ELMO1: variants seen among roughly 807,000 people sequenced by gnomAD.
The protein encoded by ELMO1 is engulfment and cell motility protein 1.
In ELMO1, 26 loss-of-function variants were observed where a neutral mutation model predicts 98.9. The observed-to-expected ratio is 0.26, with a 90% CI of 0.19 to 0.36. The LOEUF (loss-of-function observed/expected upper bound fraction) is 0.36. ELMO1 is among the 10% of genes least tolerant of loss of function. The pLI, the probability that ELMO1 is intolerant of heterozygous loss-of-function variation, is 1.00. For missense variants in ELMO1, 627 were observed against 935.2 expected, an observed-to-expected ratio of 0.67 and a Z score of 4.30; for synonymous variants, 346 against 346.0, an observed-to-expected ratio of 1.00 and a Z score of 0.00.
rs1403018713 is a variant in ELMO1 at position 37,375,839 on chromosome 7, C to T, written c.-73-33076G>A. On this transcript the variant is annotated intron_variant, in intron 1 of 21. Transcript: ENST00000310758. ...CGTCCAGAGACTGGCAGGCCTCGGCCTAAAGGTCTGGAGACTGAGCAACCT... is the reference window on the plus strand; with the variant it reads ...CGTCCAGAGACTGGCAGGCCTCGGCTTAAAGGTCTGGAGACTGAGCAACCT... 4 of 763,358 alleles carry T rather than the reference C, an allele frequency of 5.2e-6. No individual in the cohort carries two copies. The Admixed American group carries it at 7.9e-5, about 15-fold the overall frequency. The allele number at this position is 763,358 out of a possible 1,614,324, so 47.3% of individuals were successfully genotyped here.
chr7:36,945,581 GC>G (rs1787406789), intron 16 of ELMO1, among the ~76,000 whole-genome samples: 1 of 152,182 alleles, frequency 6.6e-6, no homozygotes, highest in African/African-American at 2.4e-5. Flanking sequence ...AAATAAGAAT[GC>G]CTCTGTTTTT....
intron 20 of ELMO1, among the ~76,000 whole-genome samples, chr7:36,862,414 A>G (rs1272195467): frequency 1.3e-5 from 2 of 152,226 alleles, no homozygotes; most frequent in Non-Finnish European, 2.9e-5. Flanking sequence ...AAACCTACGG[A>G]GTGCACGCAA....
chr7:37,431,436 T>C (rs1804929367), intron 1 of ELMO1, among the ~76,000 whole-genome samples: 1 of 152,230 alleles, frequency 6.6e-6, no homozygotes. Flanking sequence ...TGGGAATAGA[T>C]GAGAAGCCTA....
At chr7:37,376,570 A>G (rs1297280064) in intron 1 of ELMO1, among the ~76,000 whole-genome samples, 1 of 152,202 alleles carries the variant, frequency 6.6e-6, no homozygotes, top group African/African-American at 2.4e-5. Flanking sequence ...AACTGACTCA[A>G]TTAGTACTGT....
intron 13 of ELMO1, among the ~76,000 whole-genome samples, chr7:37,145,705 C>T (rs1171534219): frequency 6.6e-6 from 1 of 152,192 alleles, no homozygotes; most frequent in Non-Finnish European, 1.5e-5. Flanking sequence ...GATGGCATAG[C>T]GTGGGGAAAG....
At chr7:37,226,372 G>C (rs952297291) in intron 8 of ELMO1, among the ~76,000 whole-genome samples, 1 of 152,114 alleles carries the variant, frequency 6.6e-6, no homozygotes, top group Non-Finnish European at 1.5e-5. Context: ...ATTCCTCGCA[G>C]TCTGCTCCAA....
chr7:36,874,013 A>G lies in ELMO1; in HGVS notation c.1823-3538T>C, dbSNP rs114811196. On this transcript the variant is annotated intron_variant, in intron 19 of 21. Transcript: ENST00000310758. ...TCATCCCAGGATAGCTGCATGAAGA[A>G]CCTGGTCTCTGTGGCCTAGCAGATC... is the stretch of plus-strand genomic sequence containing the variant. Among the ~76,000 whole-genome samples the G allele has an allele frequency of 4.0e-3, 607 of 152,274 alleles. 7 individuals carry two copies. Among genetic ancestry groups the G allele is most frequent in the African/African-American group, 0.014 (568 of 41,552 alleles).
intron 15 of ELMO1, among the ~76,000 whole-genome samples, chr7:37,084,150 C>T (rs1347051573): frequency 6.6e-6 from 1 of 152,080 alleles, no homozygotes; most frequent in Middle Eastern, 3.2e-3. Context: ...CTCAGTGGGC[C>T]TTCTCAACCA....
intron 1 of ELMO1, among the ~76,000 whole-genome samples, chr7:37,365,916 G>A (rs943476857): frequency 1.3e-5 from 2 of 152,168 alleles, no homozygotes; most frequent in Non-Finnish European, 2.9e-5. Context: ...ATGTATTGTA[G>A]AACCTACTAA....
intron 15 of ELMO1, among the ~76,000 whole-genome samples, chr7:37,087,107 A>C (rs894502088): frequency 1.3e-5 from 2 of 152,148 alleles, no homozygotes; most frequent in Non-Finnish European, 2.9e-5. Flanking sequence ...CTACTGTTAT[A>C]ATCTTTTTTT....
chr7:37,063,176 T>C (rs1240404220), intron 15 of ELMO1, among the ~76,000 whole-genome samples: 1 of 152,188 alleles, frequency 6.6e-6, no homozygotes, highest in Non-Finnish European at 1.5e-5. Flanking sequence ...TATGTGAAAG[T>C]CCAAGCTTCA....
chr7:37,435,251 A>C (rs531660887), intron 1 of ELMO1: 20 of 152,382 alleles, frequency 1.3e-4, no homozygotes, highest in African/African-American at 4.8e-4. Context: ...AATATTTCCA[A>C]ATCAAATGCT....
intron 1 of ELMO1, among the ~76,000 whole-genome samples, chr7:37,379,632 C>T (rs1802504624): frequency 6.6e-6 from 1 of 152,142 alleles, no homozygotes; most frequent in African/African-American, 2.4e-5. Context: ...ACCCCTTTAT[C>T]AATTAAGATG....
At chr7:37,366,306 C>T (rs895208434) in intron 1 of ELMO1, among the ~76,000 whole-genome samples, 3 of 151,992 alleles carry the variant, frequency 2.0e-5, no homozygotes, top group Non-Finnish European at 4.4e-5. Context: ...TATTAATAAT[C>T]GTTTTATATC....
At position 37,134,751 on chromosome 7, in the gene ELMO1, A is replaced by G. The variant is rs368620180; in HGVS notation, c.1087-1517T>C. Among the ~76,000 whole-genome samples the G allele has an allele frequency of 5.3e-4, 81 of 152,340 alleles. 1 individual carries two copies. In the South Asian group the frequency reaches 0.017, roughly 31 times the overall value. On this transcript the variant is annotated intron_variant, in intron 13 of 21. Transcript: ENST00000310758. ...GGTCATAAAAAAAGAATGAAATCATATCTTTTGTAGCAACATGGATGGAAC... is the reference window on the plus strand; with the variant it reads ...GGTCATAAAAAAAGAATGAAATCATGTCTTTTGTAGCAACATGGATGGAAC...
At chr7:37,268,583 A>C (rs1796384614) in intron 5 of ELMO1, among the ~76,000 whole-genome samples, 2 of 152,194 alleles carry the variant, frequency 1.3e-5, no homozygotes, top group African/African-American at 4.8e-5. Context: ...TACAGGTGTG[A>C]GCCACCACAC....
At chr7:37,390,414 C>G (rs534989163) in intron 1 of ELMO1, among the ~76,000 whole-genome samples, 13 of 152,000 alleles carry the variant, frequency 8.6e-5, no homozygotes, top group Non-Finnish European at 1.8e-4. Context: ...AGACACAGGT[C>G]AGTAGGGTGC....
At chr7:36,869,723 T>C (rs1391732251) in intron 20 of ELMO1, among the ~76,000 whole-genome samples, 1 of 152,200 alleles carries the variant, frequency 6.6e-6, no homozygotes, top group African/African-American at 2.4e-5. Context: ...TCTTTTCAAA[T>C]AATATTCCCT....
At chr7:37,119,196 G>T (rs1015907) in intron 14 of ELMO1, among the ~76,000 whole-genome samples, 1 of 151,946 alleles carries the variant, frequency 6.6e-6, no homozygotes, top group East Asian at 1.9e-4. Flanking sequence ...TGACTGGAAA[G>T]GCTGAAAAGA....
Sources: gnomAD v4.1 joint callset for allele counts (sites outside exome capture counted in the v4.1 genomes callset) on GRCh38, gnomAD v4.1.1 for gene constraint, MANE v1.5 for transcripts, NCBI Gene and HGNC (gene_info 2026-07-23, HGNC 2026-07-21) for gene names.